TMEM245: variants seen among roughly 807,000 people sequenced by gnomAD.
TMEM245 encodes the protein protein CG-2.
In TMEM245, 69 loss-of-function variants were observed where a neutral mutation model predicts 101.2. The ratio of observed to expected loss-of-function variants is 0.68; its 90% confidence interval spans 0.56 to 0.83. The LOEUF (loss-of-function observed/expected upper bound fraction) is 0.83, where lower values mean the gene tolerates loss of function less well. Among genes scored for constraint, TMEM245 ranks in the 40% least tolerant of loss-of-function variants. The pLI, the probability that TMEM245 is intolerant of heterozygous loss-of-function variation, is 0.00. For synonymous variants in TMEM245, 537 were observed against 449.8 expected (o/e 1.19, Z -2.45); for missense variants, 1,075 against 1,092.8 (o/e 0.98, Z 0.23).
Position 109,050,266 on chromosome 9 carries a change from A to G in TMEM245, c.2123+17T>C, listed in dbSNP as rs1233105893. 1.2e-6 allele frequency: 2 copies of G among 1,613,410 alleles called. No homozygotes were observed. The highest frequency in any genetic ancestry group is 1.7e-6 in the Non-Finnish European group (2 of 1,179,820). On this transcript the variant is annotated intron_variant, in intron 14 of 17. Transcript: ENST00000374586. Reference sequence around the variant, plus strand: ...AAGTTCTGGGAGAAATAAGAATAGCATAAACCTTATCCCTACCTGATAGCT... The same window carrying G: ...AAGTTCTGGGAGAAATAAGAATAGCGTAAACCTTATCCCTACCTGATAGCT...
At position 109,020,534 on chromosome 9, in the gene TMEM245, T is replaced by G. The variant is rs372009965; in HGVS notation, c.2595-29A>C. The G allele has an allele frequency of 1.1e-3, 1,822 of 1,597,174 alleles. 2 individuals carry two copies. The highest frequency in any genetic ancestry group is 2.0e-3 in the South Asian group (185 of 90,730). On this transcript the variant is annotated intron_variant, in intron 17 of 17. Transcript: ENST00000374586. ...AAAGAAAAAAAGACGGAATGATTAG[T>G]TGATTACCATAAAACAGTATCCTAT...
At position 109,060,286 on chromosome 9, in the gene TMEM245, T is replaced by C. The variant is rs1828970417; in HGVS notation, c.1722+68A>G. 7 of 1,117,612 alleles carry C rather than the reference T, an allele frequency of 6.3e-6. No individual in the cohort carries two copies. In the South Asian group the frequency reaches 8.4e-5, roughly 13 times the overall value. 69.2% of individuals were successfully genotyped at this position (1,117,612 alleles called of 1,614,324 possible). A position where few individuals can be genotyped will look rare whatever the true frequency, so the allele number is the denominator to read the frequency against. ...AAATCCCACTGTGAATATAATCCTATCTAGTTGATGAGTCAATAAAAGGAC... is the reference window on the plus strand; with the variant it reads ...AAATCCCACTGTGAATATAATCCTACCTAGTTGATGAGTCAATAAAAGGAC... On this transcript the variant is annotated intron_variant, in intron 11 of 17. Coordinates refer to ENST00000374586, the MANE Select transcript of TMEM245 (RefSeq NM_032012.4).
At chr9:109,021,926 A>T (rs1381318819) in intron 17 of TMEM245, among the ~76,000 whole-genome samples, 1 of 152,232 alleles carries the variant, frequency 6.6e-6, no homozygotes, top group East Asian at 1.9e-4. Flanking sequence ...GTAGAAACTA[A>T]AGATAACAAA....
intron 4 of TMEM245, 75 bp downstream of exon 4, chr9:109,093,400 G>T: frequency 1.6e-6 from 2 of 1,215,000 alleles, no homozygotes; most frequent in South Asian, 2.6e-5. Context: ...TTGTGATGCT[G>T]GTGTCCTGAA....
At chr9:109,049,076 G>A (rs916326249) in intron 14 of TMEM245, among the ~76,000 whole-genome samples, 11 of 152,158 alleles carry the variant, frequency 7.2e-5, no homozygotes, top group South Asian at 2.1e-4. Flanking sequence ...TGGTGGAAGC[G>A]GGGGTTCTCT....
intron 3 of TMEM245, among the ~76,000 whole-genome samples, chr9:109,094,048 T>C (rs1358650985): frequency 6.6e-6 from 1 of 152,242 alleles, no homozygotes; most frequent in Non-Finnish European, 1.5e-5. Flanking sequence ...TGCGAATATA[T>C]GGCTATTATG....
intron 11 of TMEM245, 94 bp from the exon 12 acceptor site, chr9:109,057,416 A>G: frequency 7.7e-6 from 11 of 1,421,866 alleles, no homozygotes; most frequent in Non-Finnish European, 1.1e-5. Context: ...CCCCTTCATC[A>G]CTTCAGTAAG....
At chr9:109,109,473 A>G (rs1274553122) in intron 1 of TMEM245, among the ~76,000 whole-genome samples, 2 of 151,956 alleles carry the variant, frequency 1.3e-5, no homozygotes, top group Non-Finnish European at 2.9e-5. Context: ...AGAAACTTCG[A>G]GCTATATAAT....
chr9:109,077,851 C>CT (rs1324767972), intron 8 of TMEM245, among the ~76,000 whole-genome samples: 4 of 152,122 alleles, frequency 2.6e-5, no homozygotes, highest in Non-Finnish European at 5.9e-5. Context: ...TTGGAACTTG[C>CT]TTTTTATATT....
At chr9:109,051,027 A>C (rs1828663964) in intron 12 of TMEM245, among the ~76,000 whole-genome samples, 1 of 152,072 alleles carries the variant, frequency 6.6e-6, no homozygotes, top group African/African-American at 2.4e-5. Flanking sequence ...ATGGTGGCTC[A>C]TGCCTGTAAT....
intron 9 of TMEM245, among the ~76,000 whole-genome samples, chr9:109,072,417 G>T (rs1829361700): frequency 6.6e-6 from 1 of 152,184 alleles, no homozygotes; most frequent in Non-Finnish European, 1.5e-5. Flanking sequence ...CTCCCTTTCA[G>T]TGTTTTCACC....
intron 1 of TMEM245, among the ~76,000 whole-genome samples, chr9:109,114,880 T>C (rs1371133463): frequency 1.3e-5 from 2 of 152,164 alleles, no homozygotes; most frequent in African/African-American, 4.8e-5. Context: ...CTGAAATCAC[T>C]TACTAAGTCA....
intron 14 of TMEM245, among the ~76,000 whole-genome samples, chr9:109,042,768 C>A (rs1262530061): frequency 6.6e-6 from 1 of 151,710 alleles, no homozygotes; most frequent in African/African-American, 2.4e-5. Context: ...TCCAGAACTT[C>A]CTCCCTCTTA....
rs894507082 is a variant in TMEM245, at chr9:109,087,330, T to C, written c.1163A>G (p.Lys388Arg). 2.0e-5 allele frequency: 32 copies of C among 1,598,822 alleles called. No individual in the cohort carries two copies. The highest frequency in any genetic ancestry group is 2.6e-5 in the Non-Finnish European group (31 of 1,175,206). The part of the protein sequence containing the change: ...LPVPIAVWIL[K>R]KLVIHFGVVD... ...AACTCCAAAGTGAATGACAAGCTTT[T>C]TGAGTATCCAGACTAAAAAAAGACA... Residue 388 changes from lysine to arginine, a missense_variant, in exon 6 of 18, where the codon AAA (lysine) becomes AGA (arginine). Coordinates refer to ENST00000374586, the MANE Select transcript of TMEM245 (RefSeq NM_032012.4).
At chr9:109,094,529 G>C (rs778038954) in intron 3 of TMEM245, among the ~76,000 whole-genome samples, 1 of 152,202 alleles carries the variant, frequency 6.6e-6, no homozygotes, top group Non-Finnish European at 1.5e-5. Flanking sequence ...CAGAAGTTCT[G>C]ATGTCTGATC....
rs1233105893 is a variant in TMEM245, at chr9:109,050,266, A to C, written c.2123+17T>G. 1.9e-6 allele frequency: 3 copies of C among 1,613,410 alleles called. No homozygotes were observed. Among genetic ancestry groups the C allele is most frequent in the Non-Finnish European group, 2.5e-6 (3 of 1,179,820 alleles). On this transcript the variant is annotated intron_variant, in intron 14 of 17. Coordinates refer to ENST00000374586, the MANE Select transcript of TMEM245 (RefSeq NM_032012.4). The stretch of plus-strand genomic sequence containing the variant: ...AAGTTCTGGGAGAAATAAGAATAGC[A>C]TAAACCTTATCCCTACCTGATAGCT...
intron 9 of TMEM245, among the ~76,000 whole-genome samples, chr9:109,071,468 G>A (rs1041576858): frequency 2.0e-5 from 3 of 151,852 alleles, no homozygotes; most frequent in Admixed American, 6.6e-5. Flanking sequence ...GCCGAGTATA[G>A]TGGCTCATGC....
intron 14 of TMEM245, among the ~76,000 whole-genome samples, chr9:109,048,039 A>G (rs1047408670): frequency 6.6e-6 from 1 of 152,370 alleles, no homozygotes; most frequent in East Asian, 1.9e-4. Flanking sequence ...ATGGTCATAT[A>G]GGACTTAGGA....
In TMEM245 at chr9:109,092,882, AGAGGGGTCTGTTT is replaced by A. The variant is rs1163908164; in HGVS notation, c.916+580_916+592del. 5.3e-5 allele frequency among the ~76,000 whole-genome samples: 8 copies of A among 152,196 alleles called. No individual in the cohort carries two copies. The South Asian group carries it at 6.2e-4, about 12-fold the overall frequency. On this transcript the variant is annotated intron_variant, in intron 4 of 17. Transcript: ENST00000374586. ...ACAGGACAACGAGTCCAAAACAACC[AGAGGGGTCTGTTT>A]GAGGGGTCAATATATTAACACATGA...
Sources: allele counts gnomAD v4.1 joint callset (sites outside exome capture counted in the v4.1 genomes callset), GRCh38; gene constraint gnomAD v4.1.1; transcripts MANE v1.5; gene names NCBI Gene and HGNC (gene_info 2026-07-23, HGNC 2026-07-21).